Variants in CPNE8 observed in about 807,000 individuals in gnomAD.
CPNE8 encodes copine 8.
In CPNE8, 45 loss-of-function variants were observed where a neutral mutation model predicts 81.5. The observed-to-expected ratio is 0.55, with a 90% CI of 0.44 to 0.71. The LOEUF is 0.71. Among genes scored for constraint, CPNE8 ranks in the 30% least tolerant of loss-of-function variants. The pLI is 0.00. For missense variants in CPNE8, 594 were observed against 672.1 expected (o/e 0.88, Z 1.28); for synonymous variants, 252 against 226.3 (o/e 1.11, Z -1.02).
At chr12:38,668,851 C>T (rs930624543) in intron 19 of CPNE8, among the ~76,000 whole-genome samples, 1 of 151,908 alleles carries the variant, frequency 6.6e-6, no homozygotes, top group African/African-American at 2.4e-5. Flanking sequence ...AGGTCGAGAC[C>T]ATTCTGGCTA....
At chr12:38,658,979 A>C (rs1489861283) in intron 19 of CPNE8, among the ~76,000 whole-genome samples, 1 of 152,228 alleles carries the variant, frequency 6.6e-6, no homozygotes, top group Non-Finnish European at 1.5e-5. Flanking sequence ...TGCTATGAAG[A>C]AACTGCATCA....
intron 15 of CPNE8, among the ~76,000 whole-genome samples, chr12:38,691,654 G>A (rs1939678882): frequency 6.6e-6 from 1 of 152,010 alleles, no homozygotes; most frequent in Admixed American, 6.5e-5. Context: ...TGATCTCTCT[G>A]TCTTATTCTG....
intron 13 of CPNE8, among the ~76,000 whole-genome samples, chr12:38,708,112 A>G (rs961872654): frequency 6.6e-6 from 1 of 152,224 alleles, no homozygotes; most frequent in Non-Finnish European, 1.5e-5. Flanking sequence ...AAGAGTTTCC[A>G]TTCATATTAT....
intron 5 of CPNE8, among the ~76,000 whole-genome samples, chr12:38,837,705 T>C (rs1341388950): frequency 6.6e-6 from 1 of 152,032 alleles, no homozygotes; most frequent in Non-Finnish European, 1.5e-5. Context: ...CAATCCTATT[T>C]GGAACAGAGA....
At chr12:38,658,667 C>G (rs1387361313) in intron 19 of CPNE8, among the ~76,000 whole-genome samples, 2 of 152,148 alleles carry the variant, frequency 1.3e-5, no homozygotes, top group Non-Finnish European at 2.9e-5. Flanking sequence ...GGGTTACCCA[C>G]AAAGGGAAAC....
intron 6 of CPNE8, among the ~76,000 whole-genome samples, chr12:38,822,754 G>A (rs913072827): frequency 6.6e-6 from 1 of 151,568 alleles, no homozygotes; most frequent in African/African-American, 2.4e-5. Flanking sequence ...TTACAAATGT[G>A]ACCCATAGAC....
intron 14 of CPNE8, among the ~76,000 whole-genome samples, chr12:38,700,238 T>G (rs1328160655): frequency 8.0e-6 from 1 of 124,294 alleles, no homozygotes; most frequent in Admixed American, 9.0e-5. Flanking sequence ...GAAGTCCCCT[T>G]CTTTTTTTTT....
intron 15 of CPNE8, among the ~76,000 whole-genome samples, chr12:38,688,715 A>G (rs1328802627): frequency 1.3e-5 from 2 of 152,016 alleles, no homozygotes; most frequent in Non-Finnish European, 2.9e-5. Context: ...TAAGTGAAGT[A>G]ACTCAGGAAT....
intron 6 of CPNE8, among the ~76,000 whole-genome samples, chr12:38,799,287 T>A (rs1033451866): frequency 6.6e-6 from 1 of 152,148 alleles, no homozygotes; most frequent in Non-Finnish European, 1.5e-5. Flanking sequence ...ATTGACCACA[T>A]ACTTGGAAGT....
At chr12:38,675,052 C>T (rs1939257689) in intron 18 of CPNE8, among the ~76,000 whole-genome samples, 1 of 152,184 alleles carries the variant, frequency 6.6e-6, no homozygotes, top group Non-Finnish European at 1.5e-5. Context: ...ACCCAGATCA[C>T]TCGTTACACA....
At chr12:38,798,250 G>A (rs1046586682) in intron 6 of CPNE8, among the ~76,000 whole-genome samples, 1 of 152,138 alleles carries the variant, frequency 6.6e-6, no homozygotes, top group Non-Finnish European at 1.5e-5. Flanking sequence ...ATAATTGTCG[G>A]ATTCACCAAA....
intron 10 of CPNE8, among the ~76,000 whole-genome samples, chr12:38,755,608 G>C (rs957993810): frequency 6.6e-6 from 1 of 152,006 alleles, no homozygotes. Flanking sequence ...GAAAAAAAAA[G>C]AAATAGTGAG....
chr12:38,860,838 T>A (rs1419723238), intron 3 of CPNE8, among the ~76,000 whole-genome samples: 1 of 151,920 alleles, frequency 6.6e-6, no homozygotes, highest in Non-Finnish European at 1.5e-5. Flanking sequence ...CTGTCCGGGG[T>A]TGAAGGGAGG....
At chr12:38,724,748 G>C in intron 12 of CPNE8, 98 bp downstream of exon 12, 1 of 838,992 alleles carries the variant, frequency 1.2e-6, no homozygotes, top group East Asian at 3.0e-5. Context: ...ACACAGCTCA[G>C]TTTTTTTAAT....
At chr12:38,798,412 A>G (rs1592099685) in intron 6 of CPNE8, among the ~76,000 whole-genome samples, 1 of 152,200 alleles carries the variant, frequency 6.6e-6, no homozygotes, top group African/African-American at 2.4e-5. Flanking sequence ...CTTAAAGAAA[A>G]GAATTTTCAA....
Position 38,806,018 on chromosome 12 carries a change from T to C in CPNE8, c.407+23361A>G, listed in dbSNP as rs1239854882. Reference sequence around the variant, plus strand: ...GAAAATCTAGAAGAAATGGATAAATTCCTTGACACATACACCCTCCCAAGA... The same window carrying C: ...GAAAATCTAGAAGAAATGGATAAATCCCTTGACACATACACCCTCCCAAGA... On this transcript the variant is annotated intron_variant, in intron 6 of 19. Coordinates refer to ENST00000331366, the MANE Select transcript of CPNE8 (RefSeq NM_153634.3). Among the ~76,000 whole-genome samples, 5 of 150,184 alleles carry C rather than the reference T, an allele frequency of 3.3e-5. 1 individual carries two copies. Among genetic ancestry groups the C allele is most frequent in the Non-Finnish European group, 7.4e-5 (5 of 67,420 alleles).
chr12:38,682,652 G>T (rs74767804), intron 16 of CPNE8, among the ~76,000 whole-genome samples: 6,849 of 152,182 alleles, frequency 0.045, 398 homozygotes, highest in East Asian at 0.32. Context: ...ATGTATATAT[G>T]TGCATGTATA....
chr12:38,706,161 G>T (rs779997203), intron 13 of CPNE8, among the ~76,000 whole-genome samples: 8 of 151,904 alleles, frequency 5.3e-5, no homozygotes, highest in Non-Finnish European at 8.8e-5. Context: ...AAACTTTCTG[G>T]CTATAATAGG....
At chr12:38,825,237 C>G (rs1414384974) in intron 6 of CPNE8, among the ~76,000 whole-genome samples, 4 of 152,160 alleles carry the variant, frequency 2.6e-5, no homozygotes, top group Non-Finnish European at 4.4e-5. Flanking sequence ...ACTTCCTGAC[C>G]TTGCATCATC....
Sources: allele counts gnomAD v4.1 joint callset (sites outside exome capture counted in the v4.1 genomes callset), GRCh38; gene constraint gnomAD v4.1.1; transcripts MANE v1.5; gene names NCBI Gene and HGNC (gene_info 2026-07-23, HGNC 2026-07-21).